The following CYFIP2 variants were observed in gnomAD, a reference collection of about 807,000 sequenced individuals.
The protein encoded by CYFIP2 is cytoplasmic FMR1 interacting protein 2.
Under a neutral mutation model 158.7 loss-of-function variants are expected in CYFIP2, and 29 were observed. The ratio of observed to expected loss-of-function variants is 0.18; its 90% confidence interval spans 0.14 to 0.25. The LOEUF (loss-of-function observed/expected upper bound fraction) is 0.25, where lower values mean the gene tolerates loss of function less well. CYFIP2 is among the 10% of genes least tolerant of loss of function. The probability of loss-of-function intolerance (pLI) is 1.00; values close to 1 mark genes in which losing one functional copy is unlikely to be tolerated. For synonymous variants in CYFIP2, 585 were observed against 617.6 expected, an observed-to-expected ratio of 0.95 and a Z score of 0.78; for missense variants, 852 against 1,639.5, an observed-to-expected ratio of 0.52 and a Z score of 8.29.
At chr5:157,370,331 G>A (rs1407888778) in intron 26 of CYFIP2, among the ~76,000 whole-genome samples, 3 of 152,168 alleles carry the variant, frequency 2.0e-5, no homozygotes, top group Non-Finnish European at 2.9e-5. Flanking sequence ...GCAGATCACT[G>A]ATTCTGTTAT....
At chr5:157,362,536 ACT>A (rs1763931005) in intron 26 of CYFIP2, 1 of 151,958 alleles carries the variant, frequency 6.6e-6, no homozygotes, top group Non-Finnish European at 1.5e-5. Context: ...CCTTGAAGAA[ACT>A]CAAGATTTTA....
intron 1 of CYFIP2, among the ~76,000 whole-genome samples, chr5:157,280,585 G>A (rs557380318): frequency 1.3e-5 from 2 of 152,022 alleles, no homozygotes; most frequent in East Asian, 3.9e-4. Flanking sequence ...GAGAAAAAAA[G>A]GGAAGTTGGA....
At chr5:157,362,625 T>C (rs952599582) in intron 26 of CYFIP2, 5 of 152,358 alleles carry the variant, frequency 3.3e-5, no homozygotes, top group African/African-American at 9.6e-5. Flanking sequence ...TAGATAATTA[T>C]TCCTTGGATA....
At chr5:157,387,036 G>A (rs973850044) in intron 28 of CYFIP2, among the ~76,000 whole-genome samples, 2 of 151,082 alleles carry the variant, frequency 1.3e-5, no homozygotes, top group Non-Finnish European at 2.9e-5. Flanking sequence ...TTATATCAAT[G>A]ACCATTAAAT....
chr5:157,292,900 A>G (rs1379901897), intron 3 of CYFIP2, among the ~76,000 whole-genome samples: 3 of 152,090 alleles, frequency 2.0e-5, no homozygotes, highest in African/African-American at 7.2e-5. Flanking sequence ...ATTCTATGAG[A>G]TTATTATTAT....
At chr5:157,382,712 T>A (rs1479731361) in intron 27 of CYFIP2, 50 bp downstream of exon 27, 3 of 1,568,692 alleles carry the variant, frequency 1.9e-6, no homozygotes, top group Non-Finnish European at 2.6e-6. Context: ...TTGAACCTTA[T>A]TCTCACTTCC....
intron 28 of CYFIP2, among the ~76,000 whole-genome samples, chr5:157,388,580 G>A (rs1766931696): frequency 6.6e-6 from 1 of 152,170 alleles, no homozygotes; most frequent in South Asian, 2.1e-4. Context: ...TTTCATCTGT[G>A]TGATTGTACA....
intron 22 of CYFIP2, among the ~76,000 whole-genome samples, chr5:157,339,905 A>G (rs1035512671): frequency 6.6e-6 from 1 of 152,248 alleles, no homozygotes; most frequent in Non-Finnish European, 1.5e-5. Flanking sequence ...TAACACAGGA[A>G]CAGATTGTGC....
chr5:157,307,763 G>T lies in CYFIP2; in HGVS notation c.798G>T (p.Val266=), dbSNP rs746678833. ...TPSEKHMLLK[V]MGFGLYLMDG... Reference sequence around the variant, plus strand: ...GCTCTGCCCTCTTCTCATTCTAGGTGATGGGCTTTGGCCTCTACCTAATGG... The same window carrying T: ...GCTCTGCCCTCTTCTCATTCTAGGTTATGGGCTTTGGCCTCTACCTAATGG... Residue 266 remains valine, a splice_region_variant and synonymous_variant, in exon 9 of 31, where the codon GTG becomes GTT. Coordinates refer to ENST00000620254, the MANE Select transcript of CYFIP2 (RefSeq NM_001037333.3). The T allele has an allele frequency of 4.4e-6, 7 of 1,598,666 alleles. No homozygotes were observed. The Admixed American group carries it at 1.0e-4, about 23-fold the overall frequency.
chr5:157,320,701 C>T lies in CYFIP2; in HGVS notation c.1570C>T (p.Arg524Ter). 2 of 1,613,834 alleles carry T rather than the reference C, an allele frequency of 1.2e-6. No individual in the cohort carries two copies. Among genetic ancestry groups the T allele is most frequent in the Non-Finnish European group, 1.7e-6 (2 of 1,179,806 alleles). ...RKTICDWEGG[R>*]EPPNDPCLRG... ...GACCATCTGTGACTGGGAGGGAGGG[C>T]GAGAGCCCCCTAATGACCCATGCTT... The change falls in exon 15 of 31, where the codon CGA (arginine) becomes TGA (stop). Residue 524 changes from arginine to a stop codon, truncating the protein, a stop_gained. Coordinates refer to ENST00000620254, the MANE Select transcript of CYFIP2 (RefSeq NM_001037333.3). LOFTEE classifies it high-confidence loss of function.
At chr5:157,314,578 A>G in intron 12 of CYFIP2, 115 bp downstream of exon 12, 10 of 1,373,176 alleles carry the variant, frequency 7.3e-6, no homozygotes, top group East Asian at 2.5e-5. Flanking sequence ...TTCACGTACC[A>G]TACGATTTAC....
chr5:157,327,292 T>C (rs1408226760), intron 18 of CYFIP2, among the ~76,000 whole-genome samples: 1 of 152,140 alleles, frequency 6.6e-6, no homozygotes. Context: ...TGGCCACATG[T>C]GGTGGCTCAT....
In CYFIP2 at chr5:157,343,258, G is replaced by A. The variant is rs556691528; in HGVS notation, c.2673+2101G>A. The A allele has an allele frequency of 1.1e-4, 181 of 1,614,226 alleles. No homozygotes were observed. In the South Asian group the frequency reaches 1.9e-3, roughly 17 times the overall value. ...GAGCCAGCGGACTCTTATCCAGGGTGTGGAACATGGTGCAGTAGTGCCTGT... is the reference window on the plus strand; with the variant it reads ...GAGCCAGCGGACTCTTATCCAGGGTATGGAACATGGTGCAGTAGTGCCTGT... On this transcript the variant is annotated intron_variant, in intron 23 of 30. Coordinates refer to ENST00000620254, the MANE Select transcript of CYFIP2 (RefSeq NM_001037333.3).
At chr5:157,281,435 A>G (rs1382280313) in intron 1 of CYFIP2, among the ~76,000 whole-genome samples, 1 of 152,254 alleles carries the variant, frequency 6.6e-6, no homozygotes, top group Non-Finnish European at 1.5e-5. Context: ...CTAGTGGTAT[A>G]GTTTAAGAAA....
intron 1 of CYFIP2, among the ~76,000 whole-genome samples, chr5:157,282,185 TG>T (rs1447158439): frequency 6.6e-6 from 1 of 152,192 alleles, no homozygotes; most frequent in African/African-American, 2.4e-5. Flanking sequence ...ACAGGAAGCA[TG>T]GTGCCAGCAT....
chr5:157,273,135 G>A (rs1243936689), intron 1 of CYFIP2, among the ~76,000 whole-genome samples: 1 of 152,082 alleles, frequency 6.6e-6, no homozygotes, highest in African/African-American at 2.4e-5. Context: ...CAAAGTGCTG[G>A]GATTACAGGC....
intron 1 of CYFIP2, among the ~76,000 whole-genome samples, chr5:157,268,070 G>T (rs953502581): frequency 6.6e-6 from 1 of 152,254 alleles, no homozygotes; most frequent in Non-Finnish European, 1.5e-5. Context: ...GTTGGCATTG[G>T]CTGCCCTTTG....
At chr5:157,353,666 C>T (rs1272504575) in intron 23 of CYFIP2, among the ~76,000 whole-genome samples, 2 of 152,186 alleles carry the variant, frequency 1.3e-5, no homozygotes, top group African/African-American at 2.4e-5. Context: ...TTTATTTTTG[C>T]CGTCGCCTTT....
intron 26 of CYFIP2, among the ~76,000 whole-genome samples, chr5:157,370,843 T>C (rs1228049910): frequency 2.6e-5 from 4 of 152,186 alleles, no homozygotes; most frequent in Non-Finnish European, 5.9e-5. Context: ...ATTATCCCCT[T>C]GACAATTCAG....
Sources: gnomAD v4.1 joint callset for allele counts (sites outside exome capture counted in the v4.1 genomes callset) on GRCh38, gnomAD v4.1.1 for gene constraint, MANE v1.5 for transcripts, NCBI Gene and HGNC (gene_info 2026-07-23, HGNC 2026-07-21) for gene names.